Variants in TRIM49C observed in about 807,000 individuals in gnomAD.
TRIM49C encodes tripartite motif containing 49C.
Under a neutral mutation model 21.4 loss-of-function variants are expected in TRIM49C, and 6 were observed. The observed-to-expected ratio is 0.28, with a 90% confidence interval of 0.15 to 0.55. The LOEUF (loss-of-function observed/expected upper bound fraction) is 0.55. TRIM49C is among the 20% of genes least tolerant of loss of function. The pLI is 0.94. For synonymous variants in TRIM49C, 57 were observed against 148.1 expected (o/e 0.38, Z 4.47); for missense variants, 161 against 442.4 (o/e 0.36, Z 5.71).
chr11:90,069,883 T>C, the TRIM49C span, among the ~76,000 whole-genome samples: 1 of 103,490 alleles, frequency 9.7e-6, no homozygotes, highest in Non-Finnish European at 1.9e-5. Flanking sequence ...ACTTTTAAGC[T>C]TCATTACTTG....
the TRIM49C span, among the ~76,000 whole-genome samples, chr11:90,066,346 T>C: frequency 1.0e-4 from 14 of 139,310 alleles, 1 homozygote; most frequent in African/African-American, 3.6e-4. Flanking sequence ...ATTTTGTTTC[T>C]CACTCTGTTT....
chr11:90,043,596 T>G (rs1187027012), downstream of TRIM49C, among the ~76,000 whole-genome samples: 1 of 119,262 alleles, frequency 8.4e-6, no homozygotes, highest in African/African-American at 3.4e-5. Flanking sequence ...TAAAGTATTT[T>G]TATTAGAGTA....
the TRIM49C span, among the ~76,000 whole-genome samples, chr11:90,072,008 C>T: frequency 3.5e-5 from 5 of 141,232 alleles, no homozygotes; most frequent in East Asian, 2.2e-4. Context: ...AAGTAAAACA[C>T]GCAGAAGGGC....
At chr11:90,039,755 A>T in intron 6 of TRIM49C, 110 bp from the exon 7 acceptor site, 1 of 1,160,126 alleles carries the variant, frequency 8.6e-7, no homozygotes, top group Non-Finnish European at 1.2e-6. Context: ...TTTTTGAATT[A>T]TCAAATGTGT....
rs1190482592 is a variant in TRIM49C, at chr11:90,041,290, C to G, written c.1099C>G (p.Gln367Glu). 6.3e-7 allele frequency: 1 copy of G among 1,588,878 alleles called. No individual in the cohort carries two copies. The highest frequency in any genetic ancestry group is 8.6e-7 in the Non-Finnish European group (1 of 1,164,532). ...TAATATGTATCGGAAGGAGAAGAAT[C>G]AGAATGAGAAGATAGATGGAAAGGA... ...VCNMYRKEKN[Q>E]NEKIDGKEGL... Residue 367 changes from glutamine to glutamate, a missense_variant, in exon 8 of 8, where the codon CAG (glutamine) becomes GAG (glutamate). Physicochemically the swap from Gln to Glu is conservative, Grantham distance 29. Transcript: ENST00000448984.
At chr11:90,045,358 A>G (rs1189702688), downstream of TRIM49C, among the ~76,000 whole-genome samples, 15 of 64,094 alleles carry the variant, frequency 2.3e-4, no homozygotes, top group Non-Finnish European at 4.3e-4. Context: ...TCTATAAATT[A>G]CCTTGGGCAG....
the TRIM49C span, among the ~76,000 whole-genome samples, chr11:90,055,686 C>T: frequency 6.8e-6 from 1 of 146,640 alleles, no homozygotes; most frequent in Admixed American, 7.0e-5. Flanking sequence ...AAGCCAAATA[C>T]TCTTGTCCCT....
downstream of TRIM49C, among the ~76,000 whole-genome samples, chr11:90,042,481 A>T (rs1349940301): frequency 3.1e-5 from 4 of 129,292 alleles, no homozygotes; most frequent in African/African-American, 1.2e-4. Context: ...ATTGGCTAAA[A>T]TATCTGAACA....
At chr11:90,048,763 A>G in the TRIM49C span, among the ~76,000 whole-genome samples, 1 of 125,076 alleles carries the variant, frequency 8.0e-6, no homozygotes, top group South Asian at 2.9e-4. Flanking sequence ...TCTTCTCTCA[A>G]CTTGTCAAAA....
the TRIM49C span, chr11:90,051,777 G>T: frequency 6.4e-6 from 2 of 312,396 alleles, 1 homozygote; most frequent in Non-Finnish European, 1.2e-5. Context: ...GAGCAGCCAC[G>T]GTGCCCAGCC....
chr11:90,056,424 C>A, the TRIM49C span, among the ~76,000 whole-genome samples: 7 of 103,006 alleles, frequency 6.8e-5, no homozygotes, highest in African/African-American at 1.0e-4. Flanking sequence ...TATATAGGAA[C>A]CTTCATCTTT....
the TRIM49C span, among the ~76,000 whole-genome samples, chr11:90,055,711 G>A: frequency 2.7e-5 from 4 of 146,106 alleles, no homozygotes; most frequent in Non-Finnish European, 4.5e-5. Flanking sequence ...CTTTTCTTCC[G>A]GCTTTCCTGC....
At chr11:90,056,103 C>A in the TRIM49C span, among the ~76,000 whole-genome samples, 1 of 135,332 alleles carries the variant, frequency 7.4e-6, no homozygotes, top group Non-Finnish European at 1.6e-5. Context: ...GGACTACAGG[C>A]GCCCGCCACC....
At chr11:90,062,850 A>G in the TRIM49C span, 1 of 1,395,026 alleles carries the variant, frequency 7.2e-7, no homozygotes, top group East Asian at 2.6e-5. Flanking sequence ...AGGGCAGCGC[A>G]TTGGTGCTCT....
rs544560764 is a variant in TRIM49C, at chr11:90,031,978, A to C, written c.-190-419A>C. 3.3e-4 allele frequency among the ~76,000 whole-genome samples: 45 copies of C among 134,950 alleles called. 3 individuals are homozygous for C. The highest frequency in any genetic ancestry group is 1.2e-3 in the African/African-American group (45 of 37,808). 88.5% of individuals were successfully genotyped at this position (134,950 alleles called of 152,430 possible). ...CACTGACGTTACCAAAAATTTCAAC[A>C]AAAAAAATTAGCCAGGTGATATAGT... On this transcript the variant is annotated intron_variant, in intron 1 of 7. Coordinates refer to ENST00000448984, the MANE Select transcript of TRIM49C (RefSeq NM_001195234.1).
chr11:90,042,431 T>G (rs1950776966), downstream of TRIM49C, among the ~76,000 whole-genome samples: 1 of 132,614 alleles, frequency 7.5e-6, no homozygotes, highest in Non-Finnish European at 1.6e-5. Flanking sequence ...TGATGAATAC[T>G]TAAATTGTAA....
chr11:90,041,725 A>G lies in TRIM49C; in HGVS notation c.*175A>G, dbSNP rs1446346590. On this transcript the variant is annotated 3_prime_UTR_variant, in exon 8 of 8. Coordinates refer to ENST00000448984, the MANE Select transcript of TRIM49C (RefSeq NM_001195234.1). Reference sequence around the variant, plus strand: ...TACTATTAAATATGCTGAAAACGCTAAAAGTATACGTATTGGTTCTTTATT... The same window carrying G: ...TACTATTAAATATGCTGAAAACGCTGAAAGTATACGTATTGGTTCTTTATT... 1 of 310,926 alleles carries G rather than the reference A, an allele frequency of 3.2e-6. No individual in the cohort carries two copies. Among genetic ancestry groups the G allele is most frequent in the Non-Finnish European group, 5.3e-6 (1 of 189,284 alleles). The allele number at this position is 310,926 out of a possible 1,614,324, so 19.3% of individuals were successfully genotyped here. A position where few individuals can be genotyped will look rare whatever the true frequency, so the allele number is the denominator to read the frequency against.
chr11:90,045,202 A>G (rs1298000468), downstream of TRIM49C, among the ~76,000 whole-genome samples: 5 of 131,986 alleles, frequency 3.8e-5, no homozygotes, highest in African/African-American at 1.4e-4. Flanking sequence ...TTTGAAGTCA[A>G]GTAGTGTGAT....
the TRIM49C span, among the ~76,000 whole-genome samples, chr11:90,048,664 C>T: frequency 6.4e-4 from 86 of 134,020 alleles, 1 homozygote; most frequent in African/African-American, 2.5e-3. Context: ...GTTAGCCATT[C>T]ATCTAATCTT....
Sources: allele counts gnomAD v4.1 joint callset (sites outside exome capture counted in the v4.1 genomes callset), GRCh38; gene constraint gnomAD v4.1.1; transcripts MANE v1.5; gene names NCBI Gene and HGNC (gene_info 2026-07-23, HGNC 2026-07-21).